The following CDK5RAP2 variants were observed in gnomAD, a reference collection of about 807,000 sequenced individuals.
CDK5RAP2 encodes CDK5 regulatory subunit associated protein 2.
CDK5RAP2 carries 147 observed loss-of-function variants against 232.9 expected under a neutral mutation model. The observed-to-expected ratio is 0.63, with a 90% CI of 0.55 to 0.72. The LOEUF (loss-of-function observed/expected upper bound fraction) is 0.72. Ranked by LOEUF, CDK5RAP2 falls within the 30% of genes least tolerant of loss-of-function variation. CDK5RAP2 has a pLI of 0.00. For missense variants in CDK5RAP2, 2,195 were observed against 2,231.5 expected (o/e 0.98, Z 0.33); for synonymous variants, 833 against 833.7 (o/e 1.00, Z 0.01).
intron 34 of CDK5RAP2, 61 bp from the exon 35 acceptor site, chr9:120,400,946 C>G: frequency 1.3e-6 from 2 of 1,584,340 alleles, no homozygotes; most frequent in African/African-American, 1.3e-5. Flanking sequence ...GACAAGCAAG[C>G]CTTAACATGC....
rs182510452 is a variant in CDK5RAP2 at position 120,429,125 on chromosome 9, A to T, written c.3956-6384T>A. ...ACGTTATCTCAAAATAATAAGAGCT[A>T]TCTATGACAAACCCACAGCCAATAT... On this transcript the variant is annotated intron_variant, in intron 25 of 37. Transcript: ENST00000349780. Among the ~76,000 whole-genome samples, 321 of 152,266 alleles carry T rather than the reference A, an allele frequency of 2.1e-3. 3 individuals are homozygous for T. The highest frequency in any genetic ancestry group is 7.4e-3 in the African/African-American group (309 of 41,550).
At chr9:120,539,834 C>G (rs2041551197) in intron 5 of CDK5RAP2, among the ~76,000 whole-genome samples, 1 of 152,208 alleles carries the variant, frequency 6.6e-6, no homozygotes, top group Non-Finnish European at 1.5e-5. Context: ...CCAAATTTCT[C>G]AGCAAGGGGC....
At chr9:120,391,546 C>T (rs1411755622) in intron 36 of CDK5RAP2, among the ~76,000 whole-genome samples, 1 of 152,204 alleles carries the variant, frequency 6.6e-6, no homozygotes, top group Non-Finnish European at 1.5e-5. Context: ...TCACTGAATA[C>T]TCCCCCACCC....
chr9:120,468,042 C>G, intron 17 of CDK5RAP2, 45 bp from the exon 18 acceptor site: 1 of 1,609,558 alleles, frequency 6.2e-7, no homozygotes, highest in Non-Finnish European at 8.5e-7. Context: ...CAGCAAGAGA[C>G]TTCAGCTTCC....
At chr9:120,470,031 A>T in intron 17 of CDK5RAP2, 80 bp downstream of exon 17, 1 of 746,404 alleles carries the variant, frequency 1.3e-6, no homozygotes, top group Non-Finnish European at 2.4e-6. Flanking sequence ...CAGAATCTTA[A>T]CCTCTCATGA....
chr9:120,483,916 T>C (rs1399817185), intron 14 of CDK5RAP2, among the ~76,000 whole-genome samples: 2 of 152,198 alleles, frequency 1.3e-5, no homozygotes, highest in African/African-American at 2.4e-5. Flanking sequence ...GGTAGATAGA[T>C]GGTGTCTATT....
chr9:120,529,614 C>T (rs959441968), intron 8 of CDK5RAP2, among the ~76,000 whole-genome samples: 1 of 152,226 alleles, frequency 6.6e-6, no homozygotes, highest in Non-Finnish European at 1.5e-5. Flanking sequence ...CAAAGTTGGC[C>T]TCACACCTAC....
chr9:120,445,954 C>T (rs2036164658), intron 22 of CDK5RAP2, among the ~76,000 whole-genome samples: 1 of 152,170 alleles, frequency 6.6e-6, no homozygotes, highest in South Asian at 2.1e-4. Context: ...TCATGCTTGC[C>T]TCTCATGCAG....
rs748941041 is a variant in CDK5RAP2 at position 120,470,172 on chromosome 9, C to T, written c.1907G>A (p.Cys636Tyr). ...YSDQTSYLSI[C>Y]LEENNRFQVE... is the part of the protein sequence containing the mutation. The stretch of plus-strand genomic sequence containing the variant: ...TTGAAACCGATTGTTTTCTTCAAGG[C>T]AAATACTTAGATAAGATGTTTGATC... The change falls in exon 17 of 38, where the codon TGC (cysteine) becomes TAC (tyrosine). Residue 636 changes from cysteine (C) to tyrosine (Y), a missense_variant. Transcript: ENST00000349780. The T allele has an allele frequency of 5.6e-6, 9 of 1,593,640 alleles. No individual in the cohort carries two copies. The East Asian group carries it at 2.0e-4, about 36-fold the overall frequency.
chr9:120,523,714 G>A lies in CDK5RAP2; in HGVS notation c.1092+1272C>T, dbSNP rs2040773025. Among the ~76,000 whole-genome samples, 3 of 152,200 alleles carry A rather than the reference G, an allele frequency of 2.0e-5. No individual in the cohort carries two copies. In the South Asian group the frequency reaches 6.2e-4, roughly 32 times the overall value. ...ACATCAGTGCAAGAGGTGGGAGGAGGAAGCTTTAGGCAGTATGGACTTACT... is the reference window on the plus strand; with the variant it reads ...ACATCAGTGCAAGAGGTGGGAGGAGAAAGCTTTAGGCAGTATGGACTTACT... On this transcript the variant is annotated intron_variant, in intron 11 of 37. Coordinates refer to ENST00000349780, the MANE Select transcript of CDK5RAP2 (RefSeq NM_018249.6).
At position 120,545,999 on chromosome 9, in the gene CDK5RAP2, G is replaced by A. The variant is rs543555870; in HGVS notation, c.307-209C>T. Among the ~76,000 whole-genome samples, 6 of 152,280 alleles carry A rather than the reference G, an allele frequency of 3.9e-5. No individual in the cohort carries two copies. The East Asian group carries it at 7.7e-4, about 20-fold the overall frequency. Reference sequence around the variant, plus strand: ...GTCTCAAAAGAAAGACCTAGATTTTGTGAGACTTGGAACAATTATGTAAAT... The same window carrying A: ...GTCTCAAAAGAAAGACCTAGATTTTATGAGACTTGGAACAATTATGTAAAT... On this transcript the variant is annotated intron_variant, in intron 4 of 37. Coordinates refer to ENST00000349780, the MANE Select transcript of CDK5RAP2 (RefSeq NM_018249.6).
At chr9:120,556,327 C>A (rs1206757996) in intron 3 of CDK5RAP2, among the ~76,000 whole-genome samples, 1 of 152,110 alleles carries the variant, frequency 6.6e-6, no homozygotes, top group Non-Finnish European at 1.5e-5. Flanking sequence ...TGAAAAGCTA[C>A]ACTTGGACGC....
At chr9:120,394,817 G>C (rs1272763142) in intron 35 of CDK5RAP2, among the ~76,000 whole-genome samples, 179 bp from the exon 36 acceptor site, 1 of 152,204 alleles carries the variant, frequency 6.6e-6, no homozygotes, top group African/African-American at 2.4e-5. Context: ...AACTCATTGA[G>C]GGTAAGGGGA....
At chr9:120,398,991 T>C (rs184437563) in intron 35 of CDK5RAP2, among the ~76,000 whole-genome samples, 40 of 152,324 alleles carry the variant, frequency 2.6e-4, no homozygotes, top group African/African-American at 9.1e-4. Context: ...GAAAAGTGGC[T>C]AGAGGCAATT....
chr9:120,534,749 G>A (rs2041309540), intron 7 of CDK5RAP2, among the ~76,000 whole-genome samples: 1 of 152,150 alleles, frequency 6.6e-6, no homozygotes, highest in African/African-American at 2.4e-5. Flanking sequence ...CAGGAATTCT[G>A]CCAGTCTTTT....
intron 12 of CDK5RAP2, among the ~76,000 whole-genome samples, chr9:120,509,258 C>T (rs917146236): frequency 6.6e-6 from 1 of 152,162 alleles, no homozygotes; most frequent in African/African-American, 2.4e-5. Flanking sequence ...GGGCAGACAA[C>T]ATTTATTAAT....
chr9:120,440,576 T>C (rs982764243), intron 23 of CDK5RAP2, among the ~76,000 whole-genome samples: 2 of 152,230 alleles, frequency 1.3e-5, no homozygotes, highest in African/African-American at 4.8e-5. Context: ...TAGCACCTTA[T>C]GCATATTACT....
intron 12 of CDK5RAP2, among the ~76,000 whole-genome samples, chr9:120,506,972 C>A (rs2039846002): frequency 6.6e-6 from 1 of 152,070 alleles, no homozygotes; most frequent in Non-Finnish European, 1.5e-5. Context: ...GGGTAAAATG[C>A]TACAAACAGC....
At chr9:120,443,060 T>C (rs1355805023) in intron 23 of CDK5RAP2, among the ~76,000 whole-genome samples, 1 of 152,224 alleles carries the variant, frequency 6.6e-6, no homozygotes, top group Non-Finnish European at 1.5e-5. Context: ...TTTGTGCTTA[T>C]GTATGCTTCT....
Sources: allele counts gnomAD v4.1 joint callset (sites outside exome capture counted in the v4.1 genomes callset), GRCh38; gene constraint gnomAD v4.1.1; transcripts MANE v1.5; gene names NCBI Gene and HGNC (gene_info 2026-07-23, HGNC 2026-07-21).